DAB1: variants seen among roughly 807,000 people sequenced by gnomAD.
The protein encoded by DAB1 is DAB adaptor protein 1.
A neutral mutation model predicts 64.6 loss-of-function variants in DAB1; 15 were observed. The ratio of observed to expected loss-of-function variants is 0.23; its 90% CI spans 0.16 to 0.36. The LOEUF is 0.36. DAB1 is among the 10% of genes least tolerant of loss of function. The pLI, the probability that DAB1 is intolerant of heterozygous loss-of-function variation, is 1.00. For missense variants in DAB1, 596 were observed against 706.7 expected, an observed-to-expected ratio of 0.84 and a Z score of 1.78; for synonymous variants, 235 against 251.9, an observed-to-expected ratio of 0.93 and a Z score of 0.64.
At chr1:58,318,864 G>T (rs763519682) in intron 4 of DAB1, among the ~76,000 whole-genome samples, 1 of 152,150 alleles carries the variant, frequency 6.6e-6, no homozygotes, top group Non-Finnish European at 1.5e-5. Flanking sequence ...CCGAGGTGCC[G>T]AATGTAACCC....
intron 6 of DAB1, among the ~76,000 whole-genome samples, chr1:57,727,624 A>C (rs1380811593): frequency 6.6e-6 from 1 of 152,154 alleles, no homozygotes; most frequent in Admixed American, 6.5e-5. Flanking sequence ...ATCTTGCTGC[A>C]CATCTCTAGA....
chr1:57,158,300 G>C (rs1299838284), intron 2 of DAB1, among the ~76,000 whole-genome samples: 1 of 152,256 alleles, frequency 6.6e-6, no homozygotes, highest in East Asian at 1.9e-4. Flanking sequence ...AATGGTCCCA[G>C]CTGTTTGGGA....
At chr1:57,239,000 G>T (rs1002248150) in intron 2 of DAB1, among the ~76,000 whole-genome samples, 1 of 151,846 alleles carries the variant, frequency 6.6e-6, no homozygotes, top group African/African-American at 2.4e-5. Flanking sequence ...AATCATAGAA[G>T]AAAATACTTC....
At chr1:57,151,691 T>A (rs1443995677) in intron 2 of DAB1, among the ~76,000 whole-genome samples, 2 of 151,648 alleles carry the variant, frequency 1.3e-5, no homozygotes, top group Non-Finnish European at 2.9e-5. Context: ...TAAATATTTT[T>A]AAAAATTTAA....
intron 1 of DAB1, among the ~76,000 whole-genome samples, chr1:57,847,195 G>A (rs1389618246): frequency 6.6e-6 from 1 of 151,836 alleles, no homozygotes; most frequent in East Asian, 1.9e-4. Context: ...TTACACTTCT[G>A]TCACTATATA....
intron 1 of DAB1, among the ~76,000 whole-genome samples, chr1:57,380,642 C>T (rs549886523): frequency 2.0e-5 from 3 of 152,282 alleles, no homozygotes; most frequent in East Asian, 3.9e-4. Flanking sequence ...GGTGAAATGG[C>T]ATTGGCCTCT....
At chr1:58,225,926 G>A (rs539118101) in intron 4 of DAB1, among the ~76,000 whole-genome samples, 29 of 146,588 alleles carry the variant, frequency 2.0e-4, no homozygotes, top group South Asian at 4.4e-4. Context: ...TAACCTGCAC[G>A]TTGTGCACAT....
chr1:58,489,932 C>A (rs1331667801), intron 3 of DAB1, among the ~76,000 whole-genome samples: 1 of 152,156 alleles, frequency 6.6e-6, no homozygotes, highest in African/African-American at 2.4e-5. Flanking sequence ...CACACCAAAA[C>A]CCCATCTGTA....
chr1:57,226,672 A>AATATATATATATATATATATAT (rs61660460), intron 2 of DAB1, among the ~76,000 whole-genome samples: 7 of 136,012 alleles, frequency 5.1e-5, no homozygotes, highest in African/African-American at 2.2e-4. Context: ...TTAAAAAAAA[A>AATATATATATATATATATATAT]ATATATATAT....
chr1:58,241,822 G>A (rs1557710477), intron 4 of DAB1, among the ~76,000 whole-genome samples: 1 of 152,042 alleles, frequency 6.6e-6, no homozygotes, highest in African/African-American at 2.4e-5. Context: ...GATAATACAT[G>A]TTGCTGGCAA....
chr1:57,388,219 A>G (rs575191833), intron 1 of DAB1, among the ~76,000 whole-genome samples: 1 of 152,260 alleles, frequency 6.6e-6, no homozygotes, highest in Non-Finnish European at 1.5e-5. Context: ...TTCAACAAAG[A>G]TTTCCTTTCA....
intron 1 of DAB1, among the ~76,000 whole-genome samples, chr1:57,856,306 G>A (rs1242162903): frequency 1.2e-4 from 19 of 152,136 alleles, no homozygotes; most frequent in Admixed American, 1.2e-3. Flanking sequence ...GCCTCTATTA[G>A]AGCCCTTACC....
intron 4 of DAB1, among the ~76,000 whole-genome samples, chr1:58,332,721 A>G (rs568263772): frequency 3.8e-4 from 58 of 152,348 alleles, no homozygotes; most frequent in Admixed American, 9.1e-4. Flanking sequence ...CAATCAGGAC[A>G]GAAATATGGC....
chr1:58,407,668 C>T (rs144405386), intron 3 of DAB1, among the ~76,000 whole-genome samples: 5 of 152,172 alleles, frequency 3.3e-5, no homozygotes, highest in South Asian at 4.1e-4. Flanking sequence ...CTACACTCCA[C>T]GTCCAGGCAG....
At chr1:58,035,977 A>G (rs921462771) in intron 5 of DAB1, among the ~76,000 whole-genome samples, 6 of 152,148 alleles carry the variant, frequency 3.9e-5, no homozygotes, top group Non-Finnish European at 5.9e-5. Flanking sequence ...TGTACGGTTG[A>G]TGTTAAATAG....
chr1:57,073,653 A>G (rs1405972854), intron 4 of DAB1, among the ~76,000 whole-genome samples: 1 of 152,244 alleles, frequency 6.6e-6, no homozygotes, highest in African/African-American at 2.4e-5. Flanking sequence ...CAAGGCACCC[A>G]CTGTACCCCT....
intron 4 of DAB1, among the ~76,000 whole-genome samples, chr1:58,331,613 T>TG (rs1356567256): frequency 6.6e-6 from 1 of 152,180 alleles, no homozygotes; most frequent in Non-Finnish European, 1.5e-5. Context: ...ACCACTACCC[T>TG]GATCAGTTAG....
At chr1:58,473,628 G>T (rs980572603) in intron 3 of DAB1, among the ~76,000 whole-genome samples, 1 of 152,122 alleles carries the variant, frequency 6.6e-6, no homozygotes, top group African/African-American at 2.4e-5. Flanking sequence ...GAATTGTTGA[G>T]GGAGTCAAGC....
chr1:57,369,852 C>T (rs538698275), intron 1 of DAB1, among the ~76,000 whole-genome samples: 9 of 152,308 alleles, frequency 5.9e-5, no homozygotes, highest in African/African-American at 2.2e-4. Flanking sequence ...TAACGATCAT[C>T]CTGATCTTAA....
Sources: allele counts gnomAD v4.1 joint callset (sites outside exome capture counted in the v4.1 genomes callset), GRCh38; gene constraint gnomAD v4.1.1; transcripts MANE v1.5; gene names NCBI Gene and HGNC (gene_info 2026-07-23, HGNC 2026-07-21).